Variants in SMG6 observed in about 807,000 individuals in gnomAD.
SMG6 encodes the protein SMG6 nonsense mediated mRNA decay factor.
Under a neutral mutation model 142.2 loss-of-function variants are expected in SMG6, and 66 were observed. The observed-to-expected ratio is 0.46, with a 90% CI of 0.38 to 0.57. SMG6 has a LOEUF of 0.57. Ranked by LOEUF, SMG6 falls within the 20% of genes least tolerant of loss-of-function variation. The pLI is 0.00. For synonymous variants in SMG6, 779 were observed against 702.4 expected (o/e 1.11, Z -1.72); for missense variants, 1,793 against 1,832.0 (o/e 0.98, Z 0.39).
chr17:2,262,088 G>GA (rs1446106428), intron 8 of SMG6, among the ~76,000 whole-genome samples: 2 of 152,182 alleles, frequency 1.3e-5, no homozygotes, highest in Non-Finnish European at 2.9e-5. Flanking sequence ...AAAAATCCCA[G>GA]AAAAATGTAA....
chr17:2,095,165 G>C (rs1265647165), intron 13 of SMG6: 2 of 152,238 alleles, frequency 1.3e-5, no homozygotes, highest in Non-Finnish European at 2.9e-5. Context: ...GAACCAGCAG[G>C]GGAGGCTGCA....
intron 8 of SMG6, among the ~76,000 whole-genome samples, chr17:2,255,167 G>T (rs1180535649): frequency 6.6e-6 from 1 of 151,902 alleles, no homozygotes; most frequent in Admixed American, 6.6e-5. Flanking sequence ...CACTTTGGGA[G>T]GCCGAGGCGG....
rs368137259 is a variant in SMG6 at position 2,130,816 on chromosome 17, C to T, written c.3357+41842G>A. On this transcript the variant is annotated intron_variant, in intron 13 of 18. Transcript: ENST00000263073. ...GGTCAGGAGTTTGACACCAGCCTGG[C>T]CAACATGGTGAAACCCGTCTCTACT... 1.5e-4 allele frequency among the ~76,000 whole-genome samples: 22 copies of T among 151,198 alleles called. No homozygotes were observed. The East Asian group carries it at 4.3e-3, about 29-fold the overall frequency.
Position 2,282,628 on chromosome 17 carries a change from A to G in SMG6, c.2661+19T>C, listed in dbSNP as rs1368185291. 1.2e-6 allele frequency: 2 copies of G among 1,612,748 alleles called. No homozygotes were observed. Among genetic ancestry groups the G allele is most frequent in the Non-Finnish European group, 8.5e-7 (1 of 1,179,518 alleles). Reference sequence around the variant, plus strand: ...TTACTGAGCTAGTTTGGCTCATTGCATCATTCTCAGGAACTTACATCACTG... The same window carrying G: ...TTACTGAGCTAGTTTGGCTCATTGCGTCATTCTCAGGAACTTACATCACTG... On this transcript the variant is annotated intron_variant, in intron 8 of 18. Coordinates refer to ENST00000263073, the MANE Select transcript of SMG6 (RefSeq NM_017575.5).
Position 2,065,480 on chromosome 17 carries a change from G to T in SMG6, c.4035C>A (p.Ile1345=), listed in dbSNP as rs2067914748. ...LESIAFRSED[I]TGQLGNNDDL... ...CACAGGGTCTCACCAGCTGGCCAGT[G>T]ATGTCCTCACTGCGGAAGGCGATGG... Residue 1345 remains isoleucine (I), a synonymous_variant, in exon 17 of 19, where the codon ATC becomes ATA. Coordinates refer to ENST00000263073, the MANE Select transcript of SMG6 (RefSeq NM_017575.5). 6.2e-7 allele frequency: 1 copy of T among 1,612,410 alleles called. No homozygotes were observed. The highest frequency in any genetic ancestry group is 1.3e-5 in the African/African-American group (1 of 74,900).
intron 13 of SMG6, among the ~76,000 whole-genome samples, chr17:2,113,451 G>A (rs1252847938): frequency 6.6e-6 from 1 of 152,172 alleles, no homozygotes; most frequent in East Asian, 1.9e-4. Context: ...GGGTTACAAA[G>A]AATACAGCAC....
rs191643346 is a variant in SMG6, at chr17:2,226,115, A to G, written c.2869+10377T>C. On this transcript the variant is annotated intron_variant, in intron 10 of 18. Coordinates refer to ENST00000263073, the MANE Select transcript of SMG6 (RefSeq NM_017575.5). ...ACATGGAGAAACCCTGTTTCTACTA[A>G]AAATACAAAATTAGCTGGGTGTGGT... 2.0e-3 allele frequency among the ~76,000 whole-genome samples: 306 copies of G among 152,172 alleles called. 2 individuals carry two copies. The highest frequency in any genetic ancestry group is 6.6e-3 in the African/African-American group (272 of 41,520).
intron 13 of SMG6, among the ~76,000 whole-genome samples, chr17:2,153,725 G>A (rs978276869): frequency 3.4e-5 from 5 of 146,038 alleles, no homozygotes; most frequent in African/African-American, 7.7e-5. Flanking sequence ...AGAGTGTGAC[G>A]GTGACGGGGG....
chr17:2,078,735 G>A (rs963923826), intron 15 of SMG6, among the ~76,000 whole-genome samples: 3 of 152,118 alleles, frequency 2.0e-5, no homozygotes, highest in Non-Finnish European at 4.4e-5. Flanking sequence ...AAGGAAGGAT[G>A]GAGGAGACCA....
chr17:2,275,006 CAAAAAAA>C (rs57628038), intron 8 of SMG6, among the ~76,000 whole-genome samples: 1 of 115,920 alleles, frequency 8.6e-6, no homozygotes, highest in Non-Finnish European at 1.9e-5. Context: ...AAAGCATGGG[CAAAAAAA>C]AAAAAAAAAA....
rs1316775431 is a variant in SMG6 at position 2,297,938 on chromosome 17, G to C, written c.1965C>G (p.Phe655Leu). 1 of 1,613,358 alleles carries C rather than the reference G, an allele frequency of 6.2e-7. No individual in the cohort carries two copies. The highest frequency in any genetic ancestry group is 8.5e-7 in the Non-Finnish European group (1 of 1,180,020). ...KNAFYQVIEK[F>L]RQLVKDPNVE... ...CATTCGGATCCTTGACAAGTTGCCT[G>C]AACTTCTCAATCACCTGATAGAAAG... Residue 655 changes from phenylalanine (F) to leucine (L), a missense_variant, in exon 3 of 19, where the codon TTC becomes TTG. Phe to Leu is a conservative substitution (Grantham distance 22). Coordinates refer to ENST00000263073, the MANE Select transcript of SMG6 (RefSeq NM_017575.5).
intron 13 of SMG6, among the ~76,000 whole-genome samples, chr17:2,118,466 G>C (rs561756417): frequency 1.4e-4 from 22 of 152,164 alleles, no homozygotes; most frequent in Non-Finnish European, 2.5e-4. Flanking sequence ...TTGAACCTGG[G>C]GAGTAGAGGT....
intron 10 of SMG6, among the ~76,000 whole-genome samples, chr17:2,226,275 CA>C (rs112512894): frequency 7.0e-6 from 1 of 143,754 alleles, no homozygotes. Flanking sequence ...AACTCCGTCT[CA>C]AAAAAAAAAG....
At chr17:2,158,959 T>C (rs1474744115) in intron 13 of SMG6, among the ~76,000 whole-genome samples, 1 of 146,604 alleles carries the variant, frequency 6.8e-6, no homozygotes, top group East Asian at 2.0e-4. Flanking sequence ...ACAGGATGTA[T>C]ATCTGACAAG....
chr17:2,156,393 CAAAAAAA>C lies in SMG6; in HGVS notation c.3357+16258_3357+16264del, dbSNP rs34203812. 7.8e-4 allele frequency among the ~76,000 whole-genome samples: 43 copies of C among 55,414 alleles called. No individual in the cohort carries two copies. In the South Asian group the frequency reaches 0.012, roughly 16 times the overall value. 36.4% of individuals were successfully genotyped at this position (55,414 alleles called of 152,430 possible). ...TGGGCAACAGAGAGACACTCCTTCTCAAAAAAAAAAAAAAAAAAAAAAAAAAAAAGAG... is the reference window on the plus strand; with the variant it reads ...TGGGCAACAGAGAGACACTCCTTCTCAAAAAAAAAAAAAAAAAAAAAAGAG... On this transcript the variant is annotated intron_variant, in intron 13 of 18. Transcript: ENST00000263073.
intron 12 of SMG6, among the ~76,000 whole-genome samples, chr17:2,174,706 C>T (rs1189691963): frequency 1.3e-5 from 2 of 152,204 alleles, no homozygotes; most frequent in African/African-American, 2.4e-5. Context: ...AGCGCAGACA[C>T]CGACAACCAG....
At chr17:2,235,144 T>A (rs950482652) in intron 10 of SMG6, among the ~76,000 whole-genome samples, 7 of 152,182 alleles carry the variant, frequency 4.6e-5, no homozygotes, top group Non-Finnish European at 8.8e-5. Flanking sequence ...TGTTCTCTTC[T>A]CCCTGGAAAC....
At position 2,186,598 on chromosome 17, in the gene SMG6, G is replaced by A. The variant is rs2071993531; in HGVS notation, c.3155+65C>T. The A allele has an allele frequency of 5.1e-6, 8 of 1,562,914 alleles. No homozygotes were observed. The South Asian group carries it at 6.8e-5, about 13-fold the overall frequency. ...GAAAGAAACAGAGCAGGATGAAGAG[G>A]GGAGCTGTAGGAACACGGGCAGGCC... is the stretch of plus-strand genomic sequence containing the variant. On this transcript the variant is annotated intron_variant, in intron 12 of 18. Transcript: ENST00000263073.
At chr17:2,203,760 G>C (rs1428698073) in intron 10 of SMG6, among the ~76,000 whole-genome samples, 1 of 152,122 alleles carries the variant, frequency 6.6e-6, no homozygotes, top group African/African-American at 2.4e-5. Flanking sequence ...TTTGGCTGCT[G>C]ATTCAGACAC....
Sources: gnomAD v4.1 joint callset for allele counts (sites outside exome capture counted in the v4.1 genomes callset) on GRCh38, gnomAD v4.1.1 for gene constraint, MANE v1.5 for transcripts, NCBI Gene and HGNC (gene_info 2026-07-23, HGNC 2026-07-21) for gene names.